Variants in NYAP2 observed in about 807,000 individuals in gnomAD.
NYAP2 encodes neuronal tyrosine-phosphorylated phosphoinositide-3-kinase adapter 2.
Under a neutral mutation model 50.4 loss-of-function variants are expected in NYAP2, and 23 were observed. The observed-to-expected ratio is 0.46, with a 90% CI of 0.33 to 0.65. NYAP2 has a LOEUF of 0.65. Among genes scored for constraint, NYAP2 ranks in the 30% least tolerant of loss-of-function variants. The pLI is 0.02. For missense variants in NYAP2, 885 were observed against 861.0 expected, an observed-to-expected ratio of 1.03 and a Z score of -0.35; for synonymous variants, 394 against 365.2, an observed-to-expected ratio of 1.08 and a Z score of -0.90.
intron 3 of NYAP2, among the ~76,000 whole-genome samples, chr2:225,485,852 G>A (rs1014329470): frequency 2.0e-5 from 3 of 152,154 alleles, no homozygotes; most frequent in African/African-American, 7.2e-5. Flanking sequence ...ATTCTGGACT[G>A]GATGAGTTTT....
chr2:225,408,972 A>AC lies in NYAP2; in HGVS notation c.92_93insC (p.Asp32Ter). Reference sequence around the variant, plus strand: ...ATTGAGGATATGGGGATGAAGGCCTATGATGGCTTGGTTATTCAGAATGCG... The same window carrying AC: ...ATTGAGGATATGGGGATGAAGGCCTACTGATGGCTTGGTTATTCAGAATGCG... On this transcript the variant is annotated frameshift_variant, in exon 3 of 7. Transcript: ENST00000636099. LOFTEE classifies it high-confidence loss of function. The AC allele has an allele frequency of 6.2e-7, 1 of 1,612,398 alleles. No individual in the cohort carries two copies. Among genetic ancestry groups the AC allele is most frequent in the Non-Finnish European group, 8.5e-7 (1 of 1,178,728 alleles).
intron 5 of NYAP2, among the ~76,000 whole-genome samples, chr2:225,593,695 TG>T (rs758647907): frequency 3.9e-5 from 6 of 152,250 alleles, no homozygotes; most frequent in Admixed American, 6.5e-5. Flanking sequence ...TTTTACTTTT[TG>T]TAATACTTGA....
intron 6 of NYAP2, among the ~76,000 whole-genome samples, chr2:225,634,730 A>G (rs1693381963): frequency 7.2e-5 from 11 of 152,210 alleles, no homozygotes; most frequent in Admixed American, 7.2e-4. Flanking sequence ...TGGCTCCAAC[A>G]TGACACTTTA....
chr2:225,604,801 T>G (rs1208913089), intron 5 of NYAP2, among the ~76,000 whole-genome samples: 77 of 152,258 alleles, frequency 5.1e-4, no homozygotes, highest in Non-Finnish European at 1.0e-4. Context: ...CCATATTTAT[T>G]GAGAGAATCA....
chr2:225,476,546 T>A (rs1057132296), intron 3 of NYAP2, among the ~76,000 whole-genome samples: 67 of 152,278 alleles, frequency 4.4e-4, no homozygotes, highest in African/African-American at 1.6e-3. Context: ...GAAAAATGGA[T>A]GCAAATATAT....
At chr2:225,607,894 G>A (rs1299364549) in intron 5 of NYAP2, among the ~76,000 whole-genome samples, 1 of 152,052 alleles carries the variant, frequency 6.6e-6, no homozygotes, top group Non-Finnish European at 1.5e-5. Flanking sequence ...AAGTAAAAAG[G>A]GTTGTTGAAC....
chr2:225,453,743 C>T (rs918092190), intron 3 of NYAP2, among the ~76,000 whole-genome samples: 1 of 151,448 alleles, frequency 6.6e-6, no homozygotes, highest in Non-Finnish European at 1.5e-5. Flanking sequence ...TCTCGGCTCA[C>T]TGCAACCTCT....
chr2:225,690,350 C>G, the NYAP2 span, among the ~76,000 whole-genome samples: 2 of 151,764 alleles, frequency 1.3e-5, no homozygotes, highest in Non-Finnish European at 2.9e-5. Flanking sequence ...ACTGAATATG[C>G]TGACAAGTGC....
At chr2:225,448,081 T>C (rs1441890806) in intron 3 of NYAP2, among the ~76,000 whole-genome samples, 1 of 152,210 alleles carries the variant, frequency 6.6e-6, no homozygotes, top group Admixed American at 6.5e-5. Flanking sequence ...TCAGCTCTGC[T>C]GGCAAAATAC....
intron 4 of NYAP2, among the ~76,000 whole-genome samples, chr2:225,564,702 C>T (rs923497243): frequency 6.6e-6 from 1 of 151,426 alleles, no homozygotes. Context: ...AAAAAACATG[C>T]TCACTATCTG....
intron 3 of NYAP2, among the ~76,000 whole-genome samples, chr2:225,468,049 T>C (rs1338702955): frequency 2.6e-5 from 4 of 152,164 alleles, no homozygotes; most frequent in African/African-American, 9.7e-5. Context: ...CACTGAGAGA[T>C]GAATAATATA....
chr2:225,546,360 C>T (rs1457794763), intron 4 of NYAP2, among the ~76,000 whole-genome samples: 1 of 152,116 alleles, frequency 6.6e-6, no homozygotes, highest in African/African-American at 2.4e-5. Flanking sequence ...CTACCTGATG[C>T]TCTATTCTAC....
intron 6 of NYAP2, among the ~76,000 whole-genome samples, chr2:225,627,429 TC>T (rs1398566600): frequency 1.3e-5 from 2 of 152,220 alleles, no homozygotes; most frequent in Non-Finnish European, 2.9e-5. Flanking sequence ...AGAGGCCTCA[TC>T]TAAAGCAGTT....
intron 2 of NYAP2, among the ~76,000 whole-genome samples, chr2:225,406,320 A>G (rs576163291): frequency 7.2e-5 from 11 of 152,066 alleles, no homozygotes; most frequent in Non-Finnish European, 1.5e-4. Context: ...ATGTTTAGAC[A>G]TTGACAGGGC....
intron 4 of NYAP2, among the ~76,000 whole-genome samples, chr2:225,567,940 T>C (rs968788938): frequency 6.6e-6 from 1 of 152,162 alleles, no homozygotes; most frequent in African/African-American, 2.4e-5. Context: ...TCTTTACTAC[T>C]TCAGAGCAAT....
intron 3 of NYAP2, among the ~76,000 whole-genome samples, chr2:225,441,851 A>G (rs1689475508): frequency 6.6e-6 from 1 of 152,214 alleles, no homozygotes; most frequent in African/African-American, 2.4e-5. Context: ...TAGCTTTTCT[A>G]AGGCTCAGTT....
intron 3 of NYAP2, among the ~76,000 whole-genome samples, chr2:225,496,278 G>A (rs1690503163): frequency 6.6e-6 from 1 of 152,076 alleles, no homozygotes; most frequent in South Asian, 2.1e-4. Context: ...AGTCCAGATT[G>A]TGGCCCTGAG....
intron 3 of NYAP2, among the ~76,000 whole-genome samples, chr2:225,473,495 A>G (rs1299562196): frequency 1.3e-5 from 2 of 152,060 alleles, no homozygotes; most frequent in Admixed American, 6.6e-5. Flanking sequence ...TTTAATGATC[A>G]CCATTCTAAC....
intron 4 of NYAP2, among the ~76,000 whole-genome samples, chr2:225,519,953 T>C (rs2106190284): frequency 6.6e-6 from 1 of 152,300 alleles, no homozygotes; most frequent in Non-Finnish European, 1.5e-5. Flanking sequence ...GACTTTTTAA[T>C]GATTGCCATT....
Sources: allele counts gnomAD v4.1 joint callset (sites outside exome capture counted in the v4.1 genomes callset), GRCh38; gene constraint gnomAD v4.1.1; transcripts MANE v1.5; gene names NCBI Gene and HGNC (gene_info 2026-07-23, HGNC 2026-07-21).